Variants in ZNF639 observed in about 807,000 individuals in gnomAD.
ZNF639 encodes the protein zinc finger amplified in esophageal squamous cell carcinomas 1.
In ZNF639, 20 loss-of-function variants were observed where a neutral mutation model predicts 39.8. The ratio of observed to expected loss-of-function variants is 0.50; its 90% CI spans 0.35 to 0.73. The LOEUF (loss-of-function observed/expected upper bound fraction) is 0.73. ZNF639 is among the 30% of genes least tolerant of loss of function. The pLI is 0.00. For synonymous variants in ZNF639, 176 were observed against 189.8 expected (o/e 0.93, Z 0.60); for missense variants, 477 against 566.2 (o/e 0.84, Z 1.60).
chr3:179,333,421 A>G lies in ZNF639; in HGVS notation c.457A>G (p.Ile153Val). ...EVHAISEDYD[I>V]ETENNSSESL... ...GCATGCGATTTCTGAGGATTATGAT[A>G]TAGAGACAGAAAACAATTCCTCTGA... Residue 153 changes from isoleucine (I) to valine (V), a missense_variant, in exon 6 of 6, where the codon ATA becomes GTA. By Grantham distance (29) the Ile-to-Val change is conservative (BLOSUM62 3). Transcript: ENST00000496856. The G allele has an allele frequency of 6.2e-7, 1 of 1,614,158 alleles. No homozygotes were observed. Among genetic ancestry groups the G allele is most frequent in the Non-Finnish European group, 8.5e-7 (1 of 1,180,026 alleles).
Position 179,336,480 on chromosome 3 carries a change from A to AT in ZNF639, c.*2059dup, listed in dbSNP as rs1435389604. 1 of 152,248 alleles carries AT rather than the reference A, an allele frequency of 6.6e-6. No individual in the cohort carries two copies. The highest frequency in any genetic ancestry group is 2.4e-5 in the African/African-American group (1 of 41,466). 9.4% of individuals were successfully genotyped at this position (152,248 alleles called of 1,614,324 possible). ...ATCCCCACTATTTTGTTGTATGTGCATACCTGTGTTCCTAGCAACTCACAT... is the reference window on the plus strand; with the variant it reads ...ATCCCCACTATTTTGTTGTATGTGCATTACCTGTGTTCCTAGCAACTCACAT... On this transcript the variant is annotated 3_prime_UTR_variant, in exon 6 of 6. Coordinates refer to ENST00000496856, the MANE Select transcript of ZNF639 (RefSeq NM_001303426.2).
chr3:179,326,154 ACC>A (rs1292324688), intron 1 of ZNF639, among the ~76,000 whole-genome samples: 1 of 152,016 alleles, frequency 6.6e-6, no homozygotes, highest in African/African-American at 2.4e-5. Flanking sequence ...AACATAGTAA[ACC>A]CCCGTCTCTA....
rs1221609001 is a variant in ZNF639 at position 179,333,773 on chromosome 3, T to C, written c.809T>C (p.Val270Ala). The C allele has an allele frequency of 6.2e-7, 1 of 1,614,194 alleles. No homozygotes were observed. The highest frequency in any genetic ancestry group is 1.1e-5 in the South Asian group (1 of 91,076). ...TGTAAATACTGTGATTATAAGACAG[T>C]AATTTTTGAGAACCTCAGCCAGCAC... Reference protein sequence around the residue: ...YICKYCDYKTVIFENLSQHIA... With the variant: ...YICKYCDYKTAIFENLSQHIA... Residue 270 changes from valine to alanine, a missense_variant, in exon 6 of 6, where the codon GTA becomes GCA. Val to Ala is a moderately conservative substitution (Grantham distance 64, BLOSUM62 0). Transcript: ENST00000496856.
intron 4 of ZNF639, among the ~76,000 whole-genome samples, chr3:179,331,882 T>G (rs1186150424): frequency 6.6e-6 from 1 of 151,874 alleles, no homozygotes; most frequent in Non-Finnish European, 1.5e-5. Context: ...ATTGATAGTA[T>G]GTACCCTTGA....
chr3:179,329,790 C>A, intron 4 of ZNF639, 62 bp downstream of exon 4: 1 of 850,232 alleles, frequency 1.2e-6, no homozygotes, highest in Non-Finnish European at 1.8e-6. Flanking sequence ...TTATTCCTTA[C>A]TTGAAAATGT....
At position 179,330,863 on chromosome 3, in the gene ZNF639, A is replaced by G. The variant is rs145204701; in HGVS notation, c.169+1135A>G. Reference sequence around the variant, plus strand: ...GGTATGAATTCCTGTTTAGCTTACTATAGATTCAGATGGCTACATACAGAA... The same window carrying G: ...GGTATGAATTCCTGTTTAGCTTACTGTAGATTCAGATGGCTACATACAGAA... On this transcript the variant is annotated intron_variant, in intron 4 of 5. Coordinates refer to ENST00000496856, the MANE Select transcript of ZNF639 (RefSeq NM_001303426.2). 0.01 allele frequency among the ~76,000 whole-genome samples: 1,567 copies of G among 152,328 alleles called. 54 individuals carry two copies. The South Asian group carries it at 0.11, about 11-fold the overall frequency.
At position 179,323,241 on chromosome 3, in the gene ZNF639, C is replaced by T; in HGVS notation, c.-133C>T. On this transcript the variant is annotated 5_prime_UTR_variant, in exon 1 of 6. Transcript: ENST00000496856. ...GCGGCCCCTCCGCCTGCGCTCTCGG[C>T]CGCCGCCGCCTCTGCGTGGGCCGGC... is the stretch of plus-strand genomic sequence containing the variant. 1.0e-6 allele frequency: 1 copy of T among 985,258 alleles called. No homozygotes were observed. The highest frequency in any genetic ancestry group is 1.2e-6 in the Non-Finnish European group (1 of 829,998). The allele number at this position is 985,258 out of a possible 1,614,324, so 61.0% of individuals were successfully genotyped here.
In ZNF639 at chr3:179,334,178, G is replaced by C. The variant is rs1728088986; in HGVS notation, c.1214G>C (p.Cys405Ser). The C allele has an allele frequency of 6.2e-7, 1 of 1,614,118 alleles. No homozygotes were observed. The highest frequency in any genetic ancestry group is 8.5e-7 in the Non-Finnish European group (1 of 1,179,984). Residue 405 changes from cysteine (C) to serine (S), a missense_variant, in exon 6 of 6, where the codon TGT becomes TCT. Physicochemically the swap from Cys to Ser is moderately radical, Grantham distance 112. Coordinates refer to ENST00000496856, the MANE Select transcript of ZNF639 (RefSeq NM_001303426.2). ...CATACAAAAATTTTTCCTCATGTTTGTGATGACTGTGGGAAAGGCTTTTCA... is the reference window on the plus strand; with the variant it reads ...CATACAAAAATTTTTCCTCATGTTTCTGATGACTGTGGGAAAGGCTTTTCA... Reference protein sequence around the residue: ...IEHTKIFPHVCDDCGKGFSSM... With the variant: ...IEHTKIFPHVSDDCGKGFSSM...
At chr3:179,326,614 TTTTTG>T (rs1028614160) in intron 1 of ZNF639, among the ~76,000 whole-genome samples, 36 of 152,098 alleles carry the variant, frequency 2.4e-4, no homozygotes, top group African/African-American at 8.7e-4. Flanking sequence ...CTTTTTTCTT[TTTTTG>T]TTTTGTTTTG....
chr3:179,329,926 TTTTTGA>T, intron 4 of ZNF639, 198 bp downstream of exon 4: 4 of 279,608 alleles, frequency 1.4e-5, no homozygotes, highest in Non-Finnish European at 1.3e-5. Context: ...TTTTTTTTTT[TTTTTGA>T]GATGGAGTCT....
At chr3:179,329,863 A>G (rs537912446) in intron 4 of ZNF639, 135 bp downstream of exon 4, 1 of 462,630 alleles carries the variant, frequency 2.2e-6, no homozygotes, top group East Asian at 3.5e-5. Context: ...ACAATGTAAG[A>G]AAACAAAGTT....
rs535684723 is a variant in ZNF639 at position 179,332,437 on chromosome 3, A to G, written c.170-552A>G. ...CAGGAGTTCAAGGCCAGCCTGGACAACATAGCAAGACCCCATCTCAAAAAA... is the reference window on the plus strand; with the variant it reads ...CAGGAGTTCAAGGCCAGCCTGGACAGCATAGCAAGACCCCATCTCAAAAAA... On this transcript the variant is annotated intron_variant, in intron 4 of 5. Coordinates refer to ENST00000496856, the MANE Select transcript of ZNF639 (RefSeq NM_001303426.2). 1.3e-4 allele frequency among the ~76,000 whole-genome samples: 20 copies of G among 152,346 alleles called. No homozygotes were observed. In the South Asian group the frequency reaches 3.9e-3, roughly 30 times the overall value.
rs949343238 is a variant in ZNF639, at chr3:179,334,037, A to G, written c.1073A>G (p.Gln358Arg). The part of the protein sequence containing the change: ...SDKYNNGEHG[Q>R]YSLLSKITFD... ...AAGTATAACAATGGTGAACATGGAC[A>G]GTATAGCCTCTTAAGCAAAATTACC... Residue 358 changes from glutamine (Q) to arginine (R), a missense_variant, in exon 6 of 6, where the codon CAG becomes CGG. Coordinates refer to ENST00000496856, the MANE Select transcript of ZNF639 (RefSeq NM_001303426.2). The G allele has an allele frequency of 3.1e-6, 5 of 1,613,892 alleles. No homozygotes were observed. In the African/African-American group the frequency reaches 5.3e-5, roughly 17 times the overall value.
rs1166039054 is a variant in ZNF639, at chr3:179,323,080, C to CGGAGCCTAGGCCA, written c.-291_-279dup. 31 of 984,820 alleles carry CGGAGCCTAGGCCA rather than the reference C, an allele frequency of 3.1e-5. No homozygotes were observed. The highest frequency in any genetic ancestry group is 3.5e-5 in the Non-Finnish European group (29 of 829,992). 61.0% of individuals were successfully genotyped at this position (984,820 alleles called of 1,614,324 possible). A position where few individuals can be genotyped will look rare whatever the true frequency, so the allele number is the denominator to read the frequency against. ...CGTGGCGGCCAGGGCAGTGCGGCCG[C>CGGAGCCTAGGCCA]GGAGCCTAGGCCAGGGGCCTGGCGC... On this transcript the variant is annotated 5_prime_UTR_variant, in exon 1 of 6. Transcript: ENST00000496856.
intron 4 of ZNF639, among the ~76,000 whole-genome samples, chr3:179,331,775 C>CAA (rs56708873): frequency 0.011 from 896 of 80,220 alleles, 21 homozygotes; most frequent in African/African-American, 0.029. Context: ...AACTCCATCT[C>CAA]AAAAAAAAAA....
intron 4 of ZNF639, among the ~76,000 whole-genome samples, chr3:179,332,339 T>G (rs1028848303): frequency 2.0e-5 from 3 of 152,348 alleles, no homozygotes; most frequent in Admixed American, 6.5e-5. Flanking sequence ...ACATGATGGA[T>G]GGGCTGAGTG....
chr3:179,331,482 A>C (rs532960777), intron 4 of ZNF639, among the ~76,000 whole-genome samples: 46 of 152,328 alleles, frequency 3.0e-4, no homozygotes, highest in African/African-American at 1.1e-3. Context: ...TATGGAAAGT[A>C]AAAGCACAAC....
rs763901746 is a variant in ZNF639, at chr3:179,333,693, T to C, written c.729T>C (p.Ser243=). Residue 243 remains serine, a synonymous_variant, in exon 6 of 6, where the codon TCT becomes TCC. Coordinates refer to ENST00000496856, the MANE Select transcript of ZNF639 (RefSeq NM_001303426.2). Reference sequence around the variant, plus strand: ...GTCGAGTATGCAAGGAAAGTTTCTCTACCAATATGCTTCTGATAGAACATG... The same window carrying C: ...GTCGAGTATGCAAGGAAAGTTTCTCCACCAATATGCTTCTGATAGAACATG... ...NVCRVCKESF[S]TNMLLIEHAK... is the part of the protein sequence containing the mutation. 1.2e-6 allele frequency: 2 copies of C among 1,614,088 alleles called. No individual in the cohort carries two copies. The highest frequency in any genetic ancestry group is 1.7e-5 in the Admixed American group (1 of 60,004).
rs781778492 is a variant in ZNF639, at chr3:179,333,834, G to A, written c.870G>A (p.Trp290Ter). The A allele has an allele frequency of 6.2e-7, 1 of 1,614,154 alleles. No homozygotes were observed. The highest frequency in any genetic ancestry group is 1.3e-5 in the African/African-American group (1 of 75,044). The change falls in exon 6 of 6, where the codon TGG (tryptophan) becomes TGA (stop). Residue 290 changes from tryptophan (W) to a stop codon, truncating the protein, a stop_gained. Transcript: ENST00000496856. LOFTEE classifies it high-confidence loss of function. ...ADTHFSDHLY[W>*]CEQCDVQFSS... ...CCCATTTTAGTGATCACCTCTATTG[G>A]TGTGAACAGTGTGATGTACAGTTCT...
Sources: gnomAD v4.1 joint callset for allele counts (sites outside exome capture counted in the v4.1 genomes callset) on GRCh38, gnomAD v4.1.1 for gene constraint, MANE v1.5 for transcripts, NCBI Gene and HGNC (gene_info 2026-07-23, HGNC 2026-07-21) for gene names.